Variants in HYAL4 observed in about 807,000 individuals in gnomAD.
HYAL4 encodes hyaluronidase 4, also known as hyaluronidase-4.
HYAL4 carries 37 observed loss-of-function variants against 35.2 expected under a neutral mutation model. The ratio of observed to expected loss-of-function variants is 1.05; its 90% CI spans 0.81 to 1.38. The LOEUF is 1.38. HYAL4 is among the 40% of genes most tolerant of loss of function. The pLI is 0.00. For synonymous variants in HYAL4, 198 were observed against 203.2 expected, an observed-to-expected ratio of 0.97 and a Z score of 0.22; for missense variants, 572 against 572.4, an observed-to-expected ratio of 1.00 and a Z score of 0.01.
the HYAL4 span, among the ~76,000 whole-genome samples, chr7:123,799,443 AAAATT>A: frequency 1.1e-4 from 17 of 150,092 alleles, no homozygotes; most frequent in Non-Finnish European, 1.9e-4. Flanking sequence ...ATTATAAAAT[AAAATT>A]AAATTATAAA....
At chr7:123,840,783 CTGTT>C (rs1207393186), upstream of HYAL4, among the ~76,000 whole-genome samples, 8 of 152,044 alleles carry the variant, frequency 5.3e-5, no homozygotes, top group South Asian at 4.2e-4. Context: ...ATTTGGCTCT[CTGTT>C]TGTCTGTTAA....
chr7:123,867,095 T>C (rs1421265439), intron 2 of HYAL4, among the ~76,000 whole-genome samples: 1 of 152,216 alleles, frequency 6.6e-6, no homozygotes, highest in Non-Finnish European at 1.5e-5. Context: ...CTATCTTCTC[T>C]TTTAACTCCA....
At chr7:123,807,153 A>G in the HYAL4 span, among the ~76,000 whole-genome samples, 1 of 152,206 alleles carries the variant, frequency 6.6e-6, no homozygotes, top group Admixed American at 6.5e-5. Context: ...ATTTCTTCGA[A>G]AAGAATCTAA....
chr7:123,862,587 G>C (rs570752742), intron 2 of HYAL4, among the ~76,000 whole-genome samples: 1 of 152,292 alleles, frequency 6.6e-6, no homozygotes, highest in African/African-American at 2.4e-5. Flanking sequence ...CAGGCACTTA[G>C]AGTTGCAATC....
chr7:123,860,115 A>C (rs747961550), intron 2 of HYAL4, among the ~76,000 whole-genome samples: 1 of 152,298 alleles, frequency 6.6e-6, no homozygotes, highest in South Asian at 2.1e-4. Context: ...TGATGGTTTT[A>C]TAAGTGTTTG....
At chr7:123,768,341 T>C in the HYAL4 span, among the ~76,000 whole-genome samples, 3 of 152,212 alleles carry the variant, frequency 2.0e-5, no homozygotes, top group Admixed American at 6.5e-5. Context: ...TTGGTTGATA[T>C]AATTTAAGTA....
Position 123,868,756 on chromosome 7 carries a change from T to C in HYAL4, c.483T>C (p.Asp161=), listed in dbSNP as rs552391106. 7.4e-6 allele frequency: 12 copies of C among 1,614,136 alleles called. No homozygotes were observed. Among genetic ancestry groups the C allele is most frequent in the Non-Finnish European group, 1.0e-5 (12 of 1,180,026 alleles). ...GGGCCCGGAACTGGAACTCAAAAGATGTTTACAGACAGAAGTCAAGAAAGC... is the reference window on the plus strand; with the variant it reads ...GGGCCCGGAACTGGAACTCAAAAGACGTTTACAGACAGAAGTCAAGAAAGC... ...PQWARNWNSK[D]VYRQKSRKLI... Residue 161 remains aspartate (D), a synonymous_variant, in exon 3 of 5, where the codon GAT becomes GAC. Coordinates refer to ENST00000223026, the MANE Select transcript of HYAL4 (RefSeq NM_012269.3).
chr7:123,842,971 T>C (rs888939414), upstream of HYAL4, among the ~76,000 whole-genome samples: 1 of 152,030 alleles, frequency 6.6e-6, no homozygotes, highest in South Asian at 2.1e-4. Flanking sequence ...GTCTGTGTCT[T>C]TTAATTGGGG....
the HYAL4 span, among the ~76,000 whole-genome samples, chr7:123,795,959 A>G: frequency 6.6e-6 from 1 of 152,234 alleles, no homozygotes; most frequent in Non-Finnish European, 1.5e-5. Flanking sequence ...ACTGTTTGAC[A>G]GAGACACATA....
upstream of HYAL4, among the ~76,000 whole-genome samples, chr7:123,825,779 G>A (rs1805796419): frequency 6.6e-6 from 1 of 151,926 alleles, no homozygotes; most frequent in Non-Finnish European, 1.5e-5. Context: ...AGATATAAAT[G>A]TTTGATGGTT....
chr7:123,864,580 G>A (rs1439263973), intron 2 of HYAL4, among the ~76,000 whole-genome samples: 1 of 152,090 alleles, frequency 6.6e-6, no homozygotes, highest in Non-Finnish European at 1.5e-5. Flanking sequence ...AGGTTGCTAT[G>A]CTACAAGAAC....
In HYAL4 at chr7:123,877,014, T is replaced by A. The variant is rs746458505; in HGVS notation, c.1305T>A (p.Cys435Ter). 11 of 1,614,204 alleles carry A rather than the reference T, an allele frequency of 6.8e-6. No homozygotes were observed. The South Asian group carries it at 1.1e-4, about 16-fold the overall frequency. Residue 435 changes from cysteine to a stop codon, truncating the protein, a stop_gained, in exon 5 of 5, where the codon TGT becomes TGA. Coordinates refer to ENST00000223026, the MANE Select transcript of HYAL4 (RefSeq NM_012269.3). LOFTEE classifies it low-confidence loss of function (END_TRUNC). ...CAGTGATGGCAGATACATTTTCCTG[T>A]CATTGTTATCAGGGATATGAAGGAG... ...DLAVMADTFS[C>*]HCYQGYEGAD...
At chr7:123,795,046 G>A in the HYAL4 span, among the ~76,000 whole-genome samples, 493 of 152,360 alleles carry the variant, frequency 3.2e-3, 2 homozygotes, top group African/African-American at 0.011. Flanking sequence ...ATCAGCATGC[G>A]CTGGATGTGA....
At chr7:123,821,040 C>T in the HYAL4 span, among the ~76,000 whole-genome samples, 1 of 152,150 alleles carries the variant, frequency 6.6e-6, no homozygotes, top group Admixed American at 6.5e-5. Context: ...TATCCTTATT[C>T]ATTTATCTGT....
the HYAL4 span, among the ~76,000 whole-genome samples, chr7:123,811,513 A>G: frequency 6.6e-6 from 1 of 152,146 alleles, no homozygotes; most frequent in South Asian, 2.1e-4. Context: ...CCTTTTGCTC[A>G]TTTTTAAATC....
the HYAL4 span, among the ~76,000 whole-genome samples, chr7:123,783,296 T>A: frequency 6.6e-6 from 1 of 152,190 alleles, no homozygotes; most frequent in African/African-American, 2.4e-5. Context: ...CTTCTCTATG[T>A]TGGGACTTTT....
chr7:123,873,637 A>G (rs1308092259), intron 3 of HYAL4, among the ~76,000 whole-genome samples: 1 of 152,206 alleles, frequency 6.6e-6, no homozygotes, highest in Non-Finnish European at 1.5e-5. Flanking sequence ...TAGTATCCTA[A>G]AGAGTGGGGT....
upstream of HYAL4, among the ~76,000 whole-genome samples, chr7:123,842,326 C>T (rs1173974169): frequency 6.6e-6 from 1 of 151,918 alleles, no homozygotes. Flanking sequence ...TTTCTTAATC[C>T]TGAGTTCTAA....
chr7:123,807,243 A>C, the HYAL4 span, among the ~76,000 whole-genome samples: 1 of 152,226 alleles, frequency 6.6e-6, no homozygotes, highest in Admixed American at 6.5e-5. Context: ...TTTTGTATCA[A>C]GTCTGCTTTA....
Sources: gnomAD v4.1 joint callset for allele counts (sites outside exome capture counted in the v4.1 genomes callset) on GRCh38, gnomAD v4.1.1 for gene constraint, MANE v1.5 for transcripts, NCBI Gene and HGNC (gene_info 2026-07-23, HGNC 2026-07-21) for gene names.